Variants in RAB5IF observed in about 807,000 individuals in gnomAD.
RAB5IF encodes the protein RAB5 interacting factor.
Under a neutral mutation model 20.3 loss-of-function variants are expected in RAB5IF, and 15 were observed. That is an observed-to-expected ratio of 0.74 (90% CI 0.50 to 1.14). The LOEUF (loss-of-function observed/expected upper bound fraction) is 1.14, where lower values mean the gene tolerates loss of function less well. RAB5IF is among the 50% of genes most tolerant of loss of function. The pLI is 0.00. For missense variants in RAB5IF, 148 were observed against 159.5 expected (o/e 0.93, Z 0.39); for synonymous variants, 67 against 63.7 (o/e 1.05, Z -0.25).
chr20:36,609,255 A>ACACACACACACACACT (rs1568595802), intron 2 of RAB5IF, among the ~76,000 whole-genome samples: 5 of 116,526 alleles, frequency 4.3e-5, no homozygotes, highest in Non-Finnish European at 5.4e-5. Flanking sequence ...ACACACACAC[A>ACACACACACACACACT]CTATATATAG....
chr20:36,612,419 T>TATCATC lies in RAB5IF; in HGVS notation c.*372_*373insTCATCA, dbSNP rs142502467. On this transcript the variant is annotated 3_prime_UTR_variant, in exon 4 of 4. Transcript: ENST00000344795. ...TCCATCGGGTGTAGAGTTTTTAAAC[T>TATCATC]ATCAATGGCATTTCAAGTCTTCTGA... 1.6e-6 allele frequency: 1 copy of TATCATC among 619,550 alleles called. No homozygotes were observed. The highest frequency in any genetic ancestry group is 1.8e-5 in the African/African-American group (1 of 54,168). The allele number at this position is 619,550 out of a possible 1,614,324, so 38.4% of individuals were successfully genotyped here. A position where few individuals can be genotyped will look rare whatever the true frequency, so the allele number is the denominator to read the frequency against.
At chr20:36,607,600 T>G in intron 1 of RAB5IF, 115 bp from the exon 2 acceptor site, 6 of 1,229,628 alleles carry the variant, frequency 4.9e-6, no homozygotes, top group East Asian at 5.1e-5. Flanking sequence ...ACTGTTGCCT[T>G]TGGGGGGAAA....
intron 3 of RAB5IF, among the ~76,000 whole-genome samples, chr20:36,611,228 T>C (rs1367634518): frequency 1.3e-5 from 2 of 152,094 alleles, no homozygotes; most frequent in Admixed American, 6.6e-5. Context: ...TGACCTCAGG[T>C]GATCTGCCTG....
In RAB5IF at chr20:36,609,703, G is replaced by T. The variant is rs1568596175; in HGVS notation, c.321G>T (p.Gly107=). The T allele has an allele frequency of 6.2e-7, 1 of 1,614,186 alleles. No homozygotes were observed. The highest frequency in any genetic ancestry group is 8.5e-7 in the Non-Finnish European group (1 of 1,180,034). ...YGGTWELTKE[G]FMTSFALFMV... is the part of the protein sequence containing the mutation. ...GCACGTGGGAGCTCACGAAGGAAGG[G>T]TTTATGACCTCTTTTGCCTTGTTCA... Residue 107 remains glycine, a synonymous_variant, in exon 3 of 4, where the codon GGG becomes GGT. Transcript: ENST00000344795.
intron 1 of RAB5IF, among the ~76,000 whole-genome samples, chr20:36,607,181 A>G (rs1380177240): frequency 6.6e-6 from 1 of 151,970 alleles, no homozygotes; most frequent in Admixed American, 6.6e-5. Flanking sequence ...ATTACAGGCC[A>G]TATTATATAT....
Position 36,612,046 on chromosome 20 carries a change from G to T in RAB5IF, c.385G>T (p.Asp129Tyr). ...WIIFYTAIHYD is the reference protein window; with the variant it reads ...WIIFYTAIHYY ...CATCTTTTACACTGCCATCCATTATGACTGATGGTGTACAGCTCCCAAGTG... is the reference window on the plus strand; with the variant it reads ...CATCTTTTACACTGCCATCCATTATTACTGATGGTGTACAGCTCCCAAGTG... Residue 129 changes from aspartate to tyrosine, a missense_variant, in exon 4 of 4, where the codon GAC (aspartate) becomes TAC (tyrosine). Coordinates refer to ENST00000344795, the MANE Select transcript of RAB5IF (RefSeq NM_018840.5). 1 of 1,614,104 alleles carries T rather than the reference G, an allele frequency of 6.2e-7. No homozygotes were observed. The highest frequency in any genetic ancestry group is 1.1e-5 in the South Asian group (1 of 91,072).
chr20:36,606,043 G>A lies in RAB5IF; in HGVS notation c.92G>A (p.Ser31Asn), dbSNP rs1301116619. The A allele has an allele frequency of 6.6e-7, 1 of 1,517,048 alleles. No homozygotes were observed. The highest frequency in any genetic ancestry group is 1.2e-5 in the South Asian group (1 of 80,396). The allele number at this position is 1,517,048 out of a possible 1,614,324, so 94.0% of individuals were successfully genotyped here. A position where few individuals can be genotyped will look rare whatever the true frequency, so the allele number is the denominator to read the frequency against. ...TCCGTCTGGAGTAAGGTGCTGCGGA[G>A]CGACGCGGCCTGGGAGGATAAGGTA... ...KVSVWSKVLR[S>N]DAAWEDKDEF... Residue 31 changes from serine to asparagine, a missense_variant, in exon 1 of 4, where the codon AGC (serine) becomes AAC (asparagine). Ser to Asn is a conservative substitution (Grantham distance 46). Coordinates refer to ENST00000344795, the MANE Select transcript of RAB5IF (RefSeq NM_018840.5).
intron 3 of RAB5IF, among the ~76,000 whole-genome samples, chr20:36,610,723 C>G (rs7346351): frequency 6.6e-6 from 1 of 151,996 alleles, no homozygotes; most frequent in African/African-American, 2.4e-5. Flanking sequence ...AAATGAAGTC[C>G]TGATACATGC....
intron 3 of RAB5IF, among the ~76,000 whole-genome samples, chr20:36,610,859 G>T (rs1438028874): frequency 6.6e-6 from 1 of 152,232 alleles, no homozygotes; most frequent in Non-Finnish European, 1.5e-5. Flanking sequence ...GCAAAAAGTA[G>T]ATTAGTGGTT....
chr20:36,609,103 T>G (rs1250123655), intron 2 of RAB5IF, among the ~76,000 whole-genome samples: 2 of 150,678 alleles, frequency 1.3e-5, no homozygotes, highest in East Asian at 3.9e-4. Flanking sequence ...AGGTCCCGCT[T>G]GGGATGGCTT....
chr20:36,609,076 A>C lies in RAB5IF; in HGVS notation c.219-525A>C, dbSNP rs1472390620. ...CCATAGCCACACCCTAGCTGGAGCT[A>C]CCTGGAGGCCCATGTCAGGTCCCGC... On this transcript the variant is annotated intron_variant, in intron 2 of 3. Transcript: ENST00000344795. Among the ~76,000 whole-genome samples, 4 of 151,338 alleles carry C rather than the reference A, an allele frequency of 2.6e-5. No homozygotes were observed. The Admixed American group carries it at 2.6e-4, about 10-fold the overall frequency.
rs1568595634 is a variant in RAB5IF, at chr20:36,609,224, C to CT, written c.219-377_219-376insT. Among the ~76,000 whole-genome samples, 222 of 120,220 alleles carry CT rather than the reference C, an allele frequency of 1.8e-3. 1 individual carries two copies. The highest frequency in any genetic ancestry group is 7.6e-3 in the African/African-American group (209 of 27,368). 78.9% of individuals were successfully genotyped at this position (120,220 alleles called of 152,430 possible). A position where few individuals can be genotyped will look rare whatever the true frequency, so the allele number is the denominator to read the frequency against. ...ACACGCACACACGCACACACGCACA[C>CT]ACACACACACACACACACACACACA... On this transcript the variant is annotated intron_variant, in intron 2 of 3. Transcript: ENST00000344795.
chr20:36,610,853 A>G (rs934099961), intron 3 of RAB5IF, among the ~76,000 whole-genome samples: 1 of 152,242 alleles, frequency 6.6e-6, no homozygotes, highest in Non-Finnish European at 1.5e-5. Context: ...ATAGAGGCAA[A>G]AAGTAGATTA....
intron 1 of RAB5IF, among the ~76,000 whole-genome samples, chr20:36,606,425 G>C (rs1338773873): frequency 6.6e-6 from 1 of 152,184 alleles, no homozygotes; most frequent in Non-Finnish European, 1.5e-5. Context: ...TGTTTCTTTC[G>C]AATTAAGTAG....
In RAB5IF at chr20:36,606,039, C is replaced by A; in HGVS notation, c.88C>A (p.Arg30=). 1 of 1,517,060 alleles carries A rather than the reference C, an allele frequency of 6.6e-7. No individual in the cohort carries two copies. The highest frequency in any genetic ancestry group is 8.9e-7 in the Non-Finnish European group (1 of 1,127,402). 94.0% of individuals were successfully genotyped at this position (1,517,060 alleles called of 1,614,324 possible). A position where few individuals can be genotyped will look rare whatever the true frequency, so the allele number is the denominator to read the frequency against. The part of the protein sequence containing the change: ...LKVSVWSKVL[R]SDAAWEDKDE... ...AGTCTCCGTCTGGAGTAAGGTGCTG[C>A]GGAGCGACGCGGCCTGGGAGGATAA... Residue 30 remains arginine, a synonymous_variant, in exon 1 of 4, where the codon CGG becomes AGG. Coordinates refer to ENST00000344795, the MANE Select transcript of RAB5IF (RefSeq NM_018840.5).
chr20:36,609,431 G>T (rs2039055362), intron 2 of RAB5IF, among the ~76,000 whole-genome samples, 170 bp from the exon 3 acceptor site: 1 of 151,656 alleles, frequency 6.6e-6, no homozygotes, highest in African/African-American at 2.4e-5. Flanking sequence ...GTGGAGATGG[G>T]GTTTCACCAT....
rs1353317102 is a variant in RAB5IF, at chr20:36,606,049, C to A, written c.98C>A (p.Ala33Glu). 3 of 1,512,382 alleles carry A rather than the reference C, an allele frequency of 2.0e-6. No homozygotes were observed. The highest frequency in any genetic ancestry group is 2.1e-5 in the Admixed American group (1 of 48,132). The allele number at this position is 1,512,382 out of a possible 1,614,324, so 93.7% of individuals were successfully genotyped here. The stretch of plus-strand genomic sequence containing the variant: ...TGGAGTAAGGTGCTGCGGAGCGACG[C>A]GGCCTGGGAGGATAAGGTACGGTGG... ...SVWSKVLRSD[A>E]AWEDKDEFLD... Residue 33 changes from alanine to glutamate, a missense_variant, in exon 1 of 4, where the codon GCG becomes GAG. Ala to Glu is a moderately radical substitution (Grantham distance 107). Transcript: ENST00000344795.
In RAB5IF at chr20:36,609,156, T is replaced by TACATACATACAC; in HGVS notation, c.219-442_219-441insTACATACACACA. The stretch of plus-strand genomic sequence containing the variant: ...TTCAAGGGGCTTTGGAGAACTATAT[T>TACATACATACAC]ACACACACACACACACACACACACA... On this transcript the variant is annotated intron_variant, in intron 2 of 3. Coordinates refer to ENST00000344795, the MANE Select transcript of RAB5IF (RefSeq NM_018840.5). Among the ~76,000 whole-genome samples, 59 of 17,062 alleles carry TACATACATACAC rather than the reference T, an allele frequency of 3.5e-3. 7 individuals carry two copies. Among genetic ancestry groups the TACATACATACAC allele is most frequent in the Non-Finnish European group, 4.8e-3 (43 of 8,880 alleles). The allele number at this position is 17,062 out of a possible 152,430, so 11.2% of individuals were successfully genotyped here.
In RAB5IF at chr20:36,609,921, C is replaced by G; in HGVS notation, c.348+191C>G. On this transcript the variant is annotated intron_variant, in intron 3 of 3. Transcript: ENST00000344795. Reference sequence around the variant, plus strand: ...TGTGGTCTGATATACTGTACAGTCCCCTGTAATGTGTAAATCCAGGGCCCA... The same window carrying G: ...TGTGGTCTGATATACTGTACAGTCCGCTGTAATGTGTAAATCCAGGGCCCA... The G allele has an allele frequency of 7.1e-6, 6 of 851,048 alleles. No individual in the cohort carries two copies. In the South Asian group the frequency reaches 1.0e-4, roughly 15 times the overall value. 52.7% of individuals were successfully genotyped at this position (851,048 alleles called of 1,614,324 possible).
Sources: gnomAD v4.1 joint callset for allele counts (sites outside exome capture counted in the v4.1 genomes callset) on GRCh38, gnomAD v4.1.1 for gene constraint, MANE v1.5 for transcripts, NCBI Gene and HGNC (gene_info 2026-07-23, HGNC 2026-07-21) for gene names.